Variants in YBX3 observed in about 807,000 individuals in gnomAD.
YBX3 encodes the protein Y-box-binding protein 3.
YBX3 carries 29 observed loss-of-function variants against 42.4 expected under a neutral mutation model. The observed-to-expected ratio is 0.68, with a 90% CI of 0.51 to 0.93. YBX3 has a LOEUF of 0.93. Among genes scored for constraint, YBX3 ranks in the 40% least tolerant of loss-of-function variants. YBX3 has a pLI of 0.00. For missense variants in YBX3, 517 were observed against 527.5 expected, an observed-to-expected ratio of 0.98 and a Z score of 0.19; for synonymous variants, 195 against 189.8, an observed-to-expected ratio of 1.03 and a Z score of -0.22.
At chr12:10,715,262 T>C (rs1382439494) in intron 4 of YBX3, among the ~76,000 whole-genome samples, 2 of 151,934 alleles carry the variant, frequency 1.3e-5, no homozygotes, top group African/African-American at 2.4e-5. Context: ...ATATTTCTGC[T>C]AGCTGGGTGT....
chr12:10,710,266 T>C (rs908380470), intron 5 of YBX3, 152 bp from the exon 6 acceptor site: 10 of 1,513,068 alleles, frequency 6.6e-6, no homozygotes, highest in Middle Eastern at 1.7e-4. Context: ...ACCCAGATTA[T>C]CATGTGATTG....
At position 10,702,021 on chromosome 12, in the gene YBX3, C is replaced by T. The variant is rs200991801; in HGVS notation, c.992G>A (p.Arg331His). 5.2e-5 allele frequency: 84 copies of T among 1,613,836 alleles called. No individual in the cohort carries two copies. The highest frequency in any genetic ancestry group is 1.2e-4 in the South Asian group (11 of 91,040). ...CGGGCGACGCCGGTAATTGTAGGGA[C>T]GCCGGTATCCACGGCGAACAGACGG... ...NQPSVRRGYR[R>H]PYNYRRRPRP... The change falls in exon 8 of 10, where the codon CGT (arginine) becomes CAT (histidine). Residue 331 changes from arginine (R) to histidine (H), a missense_variant. By Grantham distance (29) the Arg-to-His change is conservative. Coordinates refer to ENST00000228251, the MANE Select transcript of YBX3 (RefSeq NM_003651.5).
rs564673810 is a variant in YBX3 at position 10,719,067 on chromosome 12, C to T, written c.326+13G>A. ...TATAAACTTAAAACATGCAAATATA[C>T]ACACACACATACCGATTTATAAATC... On this transcript the variant is annotated intron_variant, in intron 2 of 9. Transcript: ENST00000228251. The T allele has an allele frequency of 1.2e-4, 193 of 1,609,270 alleles. 3 individuals carry two copies. The South Asian group carries it at 1.3e-3, about 11-fold the overall frequency.
chr12:10,718,923 A>G (rs573656499), intron 2 of YBX3, among the ~76,000 whole-genome samples, 157 bp downstream of exon 2: 3 of 152,336 alleles, frequency 2.0e-5, no homozygotes, highest in Non-Finnish European at 4.4e-5. Context: ...ATTTTAAGTA[A>G]TATTTAACAA....
chr12:10,706,249 C>T (rs567243261), intron 6 of YBX3, among the ~76,000 whole-genome samples: 7 of 152,168 alleles, frequency 4.6e-5, no homozygotes, highest in Non-Finnish European at 8.8e-5. Flanking sequence ...AGGGGTAACT[C>T]TGCATTGTAA....
At chr12:10,720,845 G>A (rs565114708) in intron 1 of YBX3, 4 of 152,216 alleles carry the variant, frequency 2.6e-5, no homozygotes, top group South Asian at 2.1e-4. Flanking sequence ...AAAAAGTTTC[G>A]TAATTCCGCA....
At chr12:10,715,668 G>C (rs368204464) in intron 4 of YBX3, 26 bp downstream of exon 4, 297 of 1,594,392 alleles carry the variant, frequency 1.9e-4, no homozygotes, top group Admixed American at 4.0e-4. Context: ...CCAGCACTTT[G>C]ATACCCAACC....
intron 6 of YBX3, among the ~76,000 whole-genome samples, chr12:10,708,649 A>C (rs948224228): frequency 5.9e-5 from 9 of 152,244 alleles, no homozygotes; most frequent in Admixed American, 2.0e-4. Context: ...CATTCAGTCA[A>C]TTAACTAAAT....
intron 3 of YBX3, chr12:10,715,989 A>G: frequency 1.9e-6 from 1 of 539,340 alleles, no homozygotes; most frequent in South Asian, 2.0e-5. Context: ...GATTTGTGCT[A>G]TTCATCTTGA....
chr12:10,713,298 T>C lies in YBX3; in HGVS notation c.486A>G (p.Gly162=). 1.9e-6 allele frequency: 3 copies of C among 1,613,936 alleles called. No individual in the cohort carries two copies. Among genetic ancestry groups the C allele is most frequent in the Non-Finnish European group, 2.5e-6 (3 of 1,180,006 alleles). Reference sequence around the variant, plus strand: ...CGTAACGACTCCCTTCCACAGGAACTCCATCCGGGCCAGTCACATTGGCAG... The same window carrying C: ...CGTAACGACTCCCTTCCACAGGAACCCCATCCGGGCCAGTCACATTGGCAG... ...AEAANVTGPD[G]VPVEGSRYAA... is the part of the protein sequence containing the mutation. Residue 162 remains glycine (G), a synonymous_variant, in exon 5 of 10, where the codon GGA becomes GGG. Coordinates refer to ENST00000228251, the MANE Select transcript of YBX3 (RefSeq NM_003651.5).
chr12:10,718,466 G>T (rs187054342), intron 2 of YBX3: 1 of 220,204 alleles, frequency 4.5e-6, no homozygotes, highest in Admixed American at 5.7e-5. Context: ...AAAGGACAGG[G>T]CACAGCTGTG....
chr12:10,702,912 C>G (rs1948097529), intron 7 of YBX3: 1 of 151,978 alleles, frequency 6.6e-6, no homozygotes, highest in Non-Finnish European at 1.5e-5. Flanking sequence ...AACAAGAAAA[C>G]CAAGAGGTTT....
chr12:10,707,945 A>AT (rs1263540796), intron 6 of YBX3, among the ~76,000 whole-genome samples: 1 of 152,270 alleles, frequency 6.6e-6, no homozygotes, highest in African/African-American at 2.4e-5. Flanking sequence ...ATGAATTAAA[A>AT]TTAAGTTCTA....
intron 6 of YBX3, among the ~76,000 whole-genome samples, chr12:10,709,639 C>T (rs1948175340): frequency 6.6e-6 from 1 of 152,168 alleles, no homozygotes; most frequent in African/African-American, 2.4e-5. Flanking sequence ...TGTCTTGTTA[C>T]CTTAATTCTT....
chr12:10,706,569 T>G (rs531843021), intron 6 of YBX3, among the ~76,000 whole-genome samples: 4 of 152,234 alleles, frequency 2.6e-5, no homozygotes, highest in African/African-American at 7.2e-5. Context: ...TCTCCTTGGC[T>G]GCTCCTTCTC....
chr12:10,709,349 T>C (rs1948172174), intron 6 of YBX3, among the ~76,000 whole-genome samples: 2 of 152,114 alleles, frequency 1.3e-5, no homozygotes, highest in Admixed American at 1.3e-4. Context: ...AAAAGGAGAA[T>C]CAATAATCAA....
Position 10,704,090 on chromosome 12 carries a change from G to T in YBX3, c.839C>A (p.Pro280Gln), listed in dbSNP as rs141479423. The T allele has an allele frequency of 2.7e-5, 43 of 1,614,122 alleles. No homozygotes were observed. In the East Asian group the frequency reaches 8.0e-4, roughly 30 times the overall value. Residue 280 changes from proline (P) to glutamine (Q), a missense_variant, in exon 7 of 10, where the codon CCG becomes CAG. Around this residue, in one of 3 missense-constraint regions of YBX3, gnomAD observed 420 missense variants for 408.5 expected, o/e 1.03. Coordinates refer to ENST00000228251, the MANE Select transcript of YBX3 (RefSeq NM_003651.5). ...GCGGTAAGTTGGATTTCGATGAACC[G>T]GTCCCTGAAGTTGTGCTCCCTCTGG... ...GVPEGAQLQG[P>Q]VHRNPTYRPR...
At chr12:10,722,483 G>A (rs1470231333) in intron 1 of YBX3, 1 of 164,778 alleles carries the variant, frequency 6.1e-6, no homozygotes, top group African/African-American at 2.4e-5. Context: ...CCTACCCAAG[G>A]TCCCCTCTCC....
intron 1 of YBX3, 23 bp from the exon 2 acceptor site, chr12:10,719,166 A>T (rs752672584): frequency 4.4e-6 from 7 of 1,598,434 alleles, no homozygotes; most frequent in East Asian, 4.5e-5. Context: ...TAAGCAGATA[A>T]ATTAGTATCT....
Sources: allele counts gnomAD v4.1 joint callset (sites outside exome capture counted in the v4.1 genomes callset), GRCh38; gene constraint gnomAD v4.1.1; regional missense constraint gnomAD v4.1.1; transcripts MANE v1.5; gene names NCBI Gene and HGNC (gene_info 2026-07-23, HGNC 2026-07-21).